The following FAM174A variants were observed in gnomAD, a reference collection of about 807,000 sequenced individuals.
FAM174A encodes family with sequence similarity 174 member A.
Under a neutral mutation model 14.3 loss-of-function variants are expected in FAM174A, and 14 were observed. The ratio of observed to expected loss-of-function variants is 0.98; its 90% CI spans 0.65 to 1.53. The LOEUF (loss-of-function observed/expected upper bound fraction) is 1.53. Ranked by LOEUF, FAM174A falls within the 40% of genes most tolerant of loss-of-function variation. The pLI is 0.00. For synonymous variants in FAM174A, 108 were observed against 111.4 expected (o/e 0.97, Z 0.19); for missense variants, 241 against 249.6 (o/e 0.97, Z 0.23).
intron 2 of FAM174A, among the ~76,000 whole-genome samples, chr5:100,582,967 T>TA (rs1353820209): frequency 3.3e-5 from 5 of 152,192 alleles, no homozygotes; most frequent in Non-Finnish European, 7.4e-5. Flanking sequence ...TAACTACTAA[T>TA]AACCTGCTGT....
At chr5:100,570,452 G>A (rs1016648556) in intron 2 of FAM174A, among the ~76,000 whole-genome samples, 3 of 151,684 alleles carry the variant, frequency 2.0e-5, no homozygotes, top group African/African-American at 7.3e-5. Context: ...TCTTATTGTG[G>A]CTCACTTCAG....
intron 2 of FAM174A, among the ~76,000 whole-genome samples, chr5:100,562,678 G>A (rs1469192382): frequency 2.0e-5 from 3 of 151,552 alleles, no homozygotes; most frequent in African/African-American, 7.3e-5. Flanking sequence ...GTATTCTGAA[G>A]ATATTTTCTT....
At position 100,562,139 on chromosome 5, in the gene FAM174A, G is replaced by A. The variant is rs1314292261; in HGVS notation, c.520G>A (p.Asp174Asn). Residue 174 changes from aspartate to asparagine, a missense_variant, in exon 2 of 3, where the codon GAT becomes AAT. Physicochemically the swap from Asp to Asn is conservative, Grantham distance 23. Coordinates refer to ENST00000312637, the MANE Select transcript of FAM174A (RefSeq NM_198507.3). ...TATGGAATTGACACCTTTAGAACAG[G>A]ATGATGAGGATGATGACAACACGTT... ...ENMELTPLEQ[D>N]DEDDDNTLFD... is the part of the protein sequence containing the mutation. The A allele has an allele frequency of 1.9e-6, 3 of 1,585,374 alleles. No individual in the cohort carries two copies. Among genetic ancestry groups the A allele is most frequent in the Non-Finnish European group, 2.6e-6 (3 of 1,168,438 alleles).
intron 2 of FAM174A, among the ~76,000 whole-genome samples, chr5:100,565,567 G>A (rs1298517157): frequency 1.3e-5 from 2 of 151,762 alleles, no homozygotes; most frequent in Non-Finnish European, 2.9e-5. Flanking sequence ...CAGCTGTTAT[G>A]GAAAGCAGTA....
intron 1 of FAM174A, among the ~76,000 whole-genome samples, chr5:100,542,476 A>C (rs1392590761): frequency 6.6e-6 from 1 of 152,160 alleles, no homozygotes; most frequent in African/African-American, 2.4e-5. Flanking sequence ...TTGCTGCTTT[A>C]TGAGCTCAAT....
chr5:100,574,850 G>A (rs1252909763), intron 2 of FAM174A, among the ~76,000 whole-genome samples: 1 of 152,148 alleles, frequency 6.6e-6, no homozygotes, highest in Non-Finnish European at 1.5e-5. Flanking sequence ...AACTACAGTA[G>A]GAGTGATTGT....
chr5:100,563,194 T>C (rs1377133021), intron 2 of FAM174A, among the ~76,000 whole-genome samples: 1 of 151,896 alleles, frequency 6.6e-6, no homozygotes, highest in Admixed American at 6.6e-5. Flanking sequence ...TTATACATTT[T>C]AATAGTATTA....
intron 2 of FAM174A, among the ~76,000 whole-genome samples, chr5:100,566,257 C>G (rs1746650681): frequency 7.0e-6 from 1 of 142,630 alleles, no homozygotes; most frequent in African/African-American, 2.6e-5. Flanking sequence ...ACATTTGCAA[C>G]AACATGGATG....
At chr5:100,552,003 C>T (rs757364849) in intron 1 of FAM174A, among the ~76,000 whole-genome samples, 7 of 152,040 alleles carry the variant, frequency 4.6e-5, no homozygotes, top group East Asian at 1.9e-4. Context: ...TTTTGGAAGA[C>T]GCAGTTCAAC....
intron 2 of FAM174A, among the ~76,000 whole-genome samples, chr5:100,581,932 C>T (rs1747025682): frequency 6.6e-6 from 1 of 152,082 alleles, no homozygotes; most frequent in Non-Finnish European, 1.5e-5. Flanking sequence ...TTACGAGTCT[C>T]AAAACGCCTT....
At chr5:100,536,022 C>T in intron 1 of FAM174A, 58 bp downstream of exon 1, 2 of 1,460,422 alleles carry the variant, frequency 1.4e-6, no homozygotes, top group Non-Finnish European at 1.8e-6. Flanking sequence ...GGCCGGTGAT[C>T]TCCAGCAAGG....
intron 2 of FAM174A, among the ~76,000 whole-genome samples, chr5:100,579,600 T>C (rs949909504): frequency 2.6e-5 from 4 of 151,968 alleles, no homozygotes; most frequent in African/African-American, 9.7e-5. Context: ...AATTTTTGTA[T>C]TTTTTAGTAG....
intron 1 of FAM174A, among the ~76,000 whole-genome samples, chr5:100,558,153 G>T (rs1278723331): frequency 6.6e-6 from 1 of 152,120 alleles, no homozygotes; most frequent in Non-Finnish European, 1.5e-5. Flanking sequence ...GTTCTTGCTG[G>T]TTTCAAAGAA....
At chr5:100,554,211 T>A (rs1297853068) in intron 1 of FAM174A, among the ~76,000 whole-genome samples, 1 of 152,100 alleles carries the variant, frequency 6.6e-6, no homozygotes, top group Non-Finnish European at 1.5e-5. Flanking sequence ...CTCACTCTTA[T>A]GTAATCACTT....
chr5:100,574,827 AG>A (rs1323156798), intron 2 of FAM174A, among the ~76,000 whole-genome samples: 1 of 152,190 alleles, frequency 6.6e-6, no homozygotes, highest in Non-Finnish European at 1.5e-5. Flanking sequence ...GCCTGGACAG[AG>A]TGAAGTAACA....
intron 2 of FAM174A, among the ~76,000 whole-genome samples, chr5:100,572,611 A>G (rs1181470322): frequency 1.3e-5 from 2 of 151,962 alleles, no homozygotes; most frequent in South Asian, 2.1e-4. Flanking sequence ...ATAGTATTCC[A>G]TGGTGTAAAT....
chr5:100,567,374 A>C (rs1469068302), intron 2 of FAM174A, among the ~76,000 whole-genome samples: 1 of 151,890 alleles, frequency 6.6e-6, no homozygotes. Flanking sequence ...AAACAAAACA[A>C]AACAAAAAAA....
intron 1 of FAM174A, among the ~76,000 whole-genome samples, chr5:100,555,082 C>A (rs1746346723): frequency 6.6e-6 from 1 of 151,908 alleles, no homozygotes; most frequent in African/African-American, 2.4e-5. Context: ...TCCCCCCTAC[C>A]CCCACCCCAC....
At chr5:100,571,446 G>T (rs13360835) in intron 2 of FAM174A, among the ~76,000 whole-genome samples, 3,773 of 151,196 alleles carry the variant, frequency 0.025, 151 homozygotes, top group African/African-American at 0.087. Flanking sequence ...CAAGAAATTT[G>T]TCCATAATAC....
Sources: gnomAD v4.1 joint callset for allele counts (sites outside exome capture counted in the v4.1 genomes callset) on GRCh38, gnomAD v4.1.1 for gene constraint, MANE v1.5 for transcripts, NCBI Gene and HGNC (gene_info 2026-07-23, HGNC 2026-07-21) for gene names.